FAT4: variants seen among roughly 807,000 people sequenced by gnomAD.
The protein encoded by FAT4 is FAT atypical cadherin 4.
FAT4 carries 84 observed loss-of-function variants against 303.9 expected under a neutral mutation model. That is an observed-to-expected ratio of 0.28 (90% confidence interval 0.23 to 0.33). The LOEUF is 0.33. FAT4 is among the 10% of genes least tolerant of loss of function. The pLI is 1.00. For synonymous variants in FAT4, 2,307 were observed against 2,298.8 expected (o/e 1.00, Z -0.10); for missense variants, 6,005 against 6,146.8 (o/e 0.98, Z 0.77).
intron 11 of FAT4, among the ~76,000 whole-genome samples, chr4:125,466,786 T>TA (rs1726677848): frequency 6.6e-6 from 1 of 150,674 alleles, no homozygotes; most frequent in African/African-American, 2.4e-5. Flanking sequence ...TCTTTTTTTT[T>TA]TTTTTTGAGA....
chr4:125,320,805 G>A lies in FAT4; in HGVS notation c.4394G>A (p.Arg1465Lys), dbSNP rs776002583. The A allele has an allele frequency of 3.7e-6, 6 of 1,614,086 alleles. No individual in the cohort carries two copies. The highest frequency in any genetic ancestry group is 5.1e-6 in the Non-Finnish European group (6 of 1,179,928). Residue 1465 changes from arginine to lysine, a missense_variant, in exon 2 of 18, where the codon AGA (arginine) becomes AAA (lysine). Physicochemically the swap from Arg to Lys is conservative, Grantham distance 26. Coordinates refer to ENST00000394329, the MANE Select transcript of FAT4 (RefSeq NM_001291303.3). The stretch of plus-strand genomic sequence containing the variant: ...TACACAATCATTCAACAGATGCCAA[G>A]AGGCAACCACTTTACCATAGATGAA... ...LSYTIIQQMP[R>K]GNHFTIDEVK...
chr4:125,391,731 C>T lies in FAT4; in HGVS notation c.5176-7053C>T, dbSNP rs537598572. Among the ~76,000 whole-genome samples, 18 of 152,180 alleles carry T rather than the reference C, an allele frequency of 1.2e-4. No homozygotes were observed. The South Asian group carries it at 3.3e-3, about 28-fold the overall frequency. On this transcript the variant is annotated intron_variant, in intron 2 of 17. Coordinates refer to ENST00000394329, the MANE Select transcript of FAT4 (RefSeq NM_001291303.3). ...ATTATCATAAAATATCATTTCATAA[C>T]ATAAAAATTATATATGATAGCATGT...
At chr4:125,384,026 T>A (rs548121934) in intron 2 of FAT4, among the ~76,000 whole-genome samples, 8 of 152,324 alleles carry the variant, frequency 5.3e-5, no homozygotes, top group African/African-American at 1.9e-4. Flanking sequence ...TACTGCTGAA[T>A]ATGATTCCAT....
At chr4:125,404,807 A>G (rs1385128791) in intron 3 of FAT4, among the ~76,000 whole-genome samples, 1 of 152,134 alleles carries the variant, frequency 6.6e-6, no homozygotes, top group Non-Finnish European at 1.5e-5. Flanking sequence ...TACTTCATAT[A>G]TATAAATACC....
chr4:125,393,968 C>A (rs756843395), intron 2 of FAT4: 6 of 780,142 alleles, frequency 7.7e-6, no homozygotes, highest in African/African-American at 3.4e-5. Flanking sequence ...TGGGTGATAC[C>A]TTAGCTCAAC....
At chr4:125,436,633 G>A (rs956086517) in intron 8 of FAT4, among the ~76,000 whole-genome samples, 9 of 152,098 alleles carry the variant, frequency 5.9e-5, no homozygotes, top group African/African-American at 2.2e-4. Flanking sequence ...CACATTGGCT[G>A]GGGAGGCCTC....
intron 12 of FAT4, among the ~76,000 whole-genome samples, chr4:125,470,151 C>T (rs1243152680): frequency 2.0e-5 from 3 of 152,038 alleles, no homozygotes; most frequent in Non-Finnish European, 2.9e-5. Context: ...ATCTTTTTTT[C>T]CGAGTAGTAG....
intron 10 of FAT4, among the ~76,000 whole-genome samples, chr4:125,459,542 T>C (rs1248268354): frequency 6.6e-6 from 1 of 152,086 alleles, no homozygotes; most frequent in African/African-American, 2.4e-5. Context: ...CTCCTTCTAG[T>C]TATGATAAAT....
intron 17 of FAT4, 43 bp from the exon 18 acceptor site, chr4:125,489,847 CTTTTTTTTTTT>C: frequency 9.0e-6 from 4 of 445,936 alleles, no homozygotes; most frequent in East Asian, 1.5e-4. Context: ...AGTATAAGCT[CTTTTTTTTTTT>C]TTTTTTTTTT....
Position 125,321,451 on chromosome 4 carries a change from C to A in FAT4, c.5040C>A (p.Leu1680=). ...GTGAAGAAAAAACTGTTGGACGCCT[C>A]TTTACTATTGGACGACATACTGGTA... ...VRCEEKTVGR[L]FTIGRHTGII... The change falls in exon 2 of 18, where the codon CTC becomes CTA. Residue 1680 remains leucine, a synonymous_variant. Transcript: ENST00000394329. 1 of 1,614,112 alleles carries A rather than the reference C, an allele frequency of 6.2e-7. No homozygotes were observed. Among genetic ancestry groups the A allele is most frequent in the Non-Finnish European group, 8.5e-7 (1 of 1,180,000 alleles).
intron 3 of FAT4, among the ~76,000 whole-genome samples, chr4:125,400,484 T>G (rs2126014075): frequency 6.6e-6 from 1 of 152,160 alleles, no homozygotes; most frequent in East Asian, 1.9e-4. Flanking sequence ...TAAGTATTAG[T>G]ATAAATGCAA....
rs751046172 is a variant in FAT4 at position 125,316,776 on chromosome 4, G to A, written c.365G>A (p.Arg122Gln). The A allele has an allele frequency of 1.9e-6, 3 of 1,614,012 alleles. No individual in the cohort carries two copies. Among genetic ancestry groups the A allele is most frequent in the East Asian group, 2.2e-5 (1 of 44,854 alleles). ...SSAPTYPTEV[R>Q]VLVRDLNDNA... ...GCGCCCACCTACCCCACCGAAGTGC[G>A]AGTGCTGGTGCGGGACCTCAATGAC... Residue 122 changes from arginine (R) to glutamine (Q), a missense_variant, in exon 2 of 18, where the codon CGA (arginine) becomes CAA (glutamine). Arg to Gln is a conservative substitution (Grantham distance 43). Coordinates refer to ENST00000394329, the MANE Select transcript of FAT4 (RefSeq NM_001291303.3). The surrounding 1 kb of genome is among the most constrained non-coding windows in gnomAD (Gnocchi z 5.7).
chr4:125,416,422 A>G (rs749620709), intron 6 of FAT4, 26 bp from the exon 7 acceptor site: 3 of 1,555,390 alleles, frequency 1.9e-6, no homozygotes, highest in Admixed American at 3.9e-5. Flanking sequence ...TGTTTTACTC[A>G]CATCTTGGTA....
At chr4:125,446,848 G>A (rs2126055143) in intron 9 of FAT4, among the ~76,000 whole-genome samples, 1 of 151,734 alleles carries the variant, frequency 6.6e-6, no homozygotes, top group South Asian at 2.1e-4. Context: ...GATGTTTATG[G>A]CCTGAGGTAT....
intron 3 of FAT4, among the ~76,000 whole-genome samples, chr4:125,402,992 T>C (rs1734445420): frequency 6.6e-6 from 1 of 152,062 alleles, no homozygotes; most frequent in Non-Finnish European, 1.5e-5. Flanking sequence ...ATACTGTATT[T>C]TCCCATGGAT....
intron 2 of FAT4, among the ~76,000 whole-genome samples, chr4:125,341,560 AT>A (rs1475293529): frequency 6.6e-6 from 1 of 152,108 alleles, no homozygotes; most frequent in Non-Finnish European, 1.5e-5. Context: ...GATTCATCAT[AT>A]GCTGAACATC....
Position 125,316,558 on chromosome 4 carries a change from C to A in FAT4, c.147C>A (p.Phe49Leu). The change falls in exon 2 of 18, where the codon TTC (phenylalanine) becomes TTA (leucine). Residue 49 changes from phenylalanine (F) to leucine (L), a missense_variant. Coordinates refer to ENST00000394329, the MANE Select transcript of FAT4 (RefSeq NM_001291303.3). This position sits in a 1 kb window ranked among gnomAD's most constrained non-coding sequence, Gnocchi z 5.7. ...ACGGGGCCGAGCCGCGCCAGGTGTT[C>A]CAAGTGCTGGAAGAGCAACCTCCAG... The part of the protein sequence containing the change: ...WVHGAEPRQV[F>L]QVLEEQPPGT... 1 of 1,614,080 alleles carries A rather than the reference C, an allele frequency of 6.2e-7. No homozygotes were observed. The highest frequency in any genetic ancestry group is 8.5e-7 in the Non-Finnish European group (1 of 1,180,036).
intron 5 of FAT4, among the ~76,000 whole-genome samples, chr4:125,412,199 A>C (rs1354340967): frequency 2.6e-5 from 4 of 151,824 alleles, no homozygotes; most frequent in Non-Finnish European, 4.4e-5. Context: ...GAGTTTTGCT[A>C]TGTCTGCATG....
intron 2 of FAT4, among the ~76,000 whole-genome samples, chr4:125,387,016 C>T (rs1465701354): frequency 6.6e-6 from 1 of 152,134 alleles, no homozygotes; most frequent in African/African-American, 2.4e-5. Flanking sequence ...ATGCACCATT[C>T]ACAATAGGGT....
Sources: gnomAD v4.1 joint callset for allele counts (sites outside exome capture counted in the v4.1 genomes callset) on GRCh38, gnomAD v4.1.1 for gene constraint, Gnocchi (gnomAD v3.1) non-coding constraint, MANE v1.5 for transcripts, NCBI Gene and HGNC (gene_info 2026-07-23, HGNC 2026-07-21) for gene names.